Variants in ASIC2 observed in about 807,000 individuals in gnomAD.
ASIC2 encodes acid sensing ion channel subunit 2, also known as acid-sensing ion channel 2.
ASIC2 carries 25 observed loss-of-function variants against 57.3 expected under a neutral mutation model. The observed-to-expected ratio is 0.44, with a 90% CI of 0.32 to 0.61. ASIC2 has a LOEUF of 0.61. Among genes scored for constraint, ASIC2 ranks in the 20% least tolerant of loss-of-function variants. The pLI is 0.06. For synonymous variants in ASIC2, 319 were observed against 307.5 expected, an observed-to-expected ratio of 1.04 and a Z score of -0.39; for missense variants, 641 against 738.1, an observed-to-expected ratio of 0.87 and a Z score of 1.52.
At chr17:33,639,543 C>A (rs1333548335) in intron 1 of ASIC2, among the ~76,000 whole-genome samples, 1 of 152,154 alleles carries the variant, frequency 6.6e-6, no homozygotes, top group Non-Finnish European at 1.5e-5. Context: ...CCATGAAATT[C>A]TCAAAGAGGA....
At chr17:33,421,088 G>C (rs1911028918) in intron 1 of ASIC2, among the ~76,000 whole-genome samples, 1 of 152,156 alleles carries the variant, frequency 6.6e-6, no homozygotes, top group African/African-American at 2.4e-5. Flanking sequence ...GTCATGAGGA[G>C]AAGCAGGAGC....
chr17:33,457,647 A>C (rs12948337), intron 1 of ASIC2, among the ~76,000 whole-genome samples: 50,259 of 151,372 alleles, frequency 0.33, 8,453 homozygotes, highest in Middle Eastern at 0.43. Context: ...GCTGCTGCTG[A>C]TGATGATGAT....
intron 1 of ASIC2, among the ~76,000 whole-genome samples, chr17:33,318,647 C>G (rs111466752): frequency 3.3e-5 from 5 of 152,296 alleles, no homozygotes; most frequent in African/African-American, 1.2e-4. Context: ...TATTTTCCTT[C>G]TTTGCTCTAG....
At chr17:33,939,752 T>G (rs1916145089) in intron 1 of ASIC2, among the ~76,000 whole-genome samples, 1 of 152,338 alleles carries the variant, frequency 6.6e-6, no homozygotes, top group East Asian at 1.9e-4. Flanking sequence ...CATTCACTGT[T>G]GCCCACGGCA....
intron 1 of ASIC2, chr17:34,146,859 C>CT (rs1327270362): frequency 1.3e-5 from 2 of 152,210 alleles, no homozygotes; most frequent in African/African-American, 4.8e-5. Context: ...CCCTCAACTG[C>CT]TGGACTACTG....
intron 1 of ASIC2, among the ~76,000 whole-genome samples, chr17:33,114,294 C>A (rs1460580230): frequency 6.6e-6 from 1 of 152,198 alleles, no homozygotes; most frequent in East Asian, 1.9e-4. Flanking sequence ...GGCAAATGAA[C>A]TTATCCCATG....
chr17:33,672,647 C>T (rs1467781690), intron 1 of ASIC2, among the ~76,000 whole-genome samples: 1 of 152,128 alleles, frequency 6.6e-6, no homozygotes, highest in Non-Finnish European at 1.5e-5. Flanking sequence ...TTAAGTGTCC[C>T]AAGAGATAGC....
intron 1 of ASIC2, among the ~76,000 whole-genome samples, chr17:33,210,028 C>G (rs1384066664): frequency 1.3e-5 from 2 of 152,174 alleles, no homozygotes; most frequent in East Asian, 1.9e-4. Flanking sequence ...GGAAAAGAGA[C>G]AGAGTGCAGG....
intron 1 of ASIC2, among the ~76,000 whole-genome samples, chr17:33,220,325 GCA>G (rs1206177578): frequency 6.6e-6 from 1 of 152,110 alleles, no homozygotes; most frequent in Non-Finnish European, 1.5e-5. Flanking sequence ...AGCAGTTTTT[GCA>G]CAGTGGCCCC....
intron 1 of ASIC2, among the ~76,000 whole-genome samples, chr17:34,066,146 G>A (rs1045367857): frequency 1.1e-4 from 16 of 152,144 alleles, no homozygotes; most frequent in African/African-American, 3.9e-4. Context: ...AGTGGGGAAG[G>A]CCTGACTTAA....
chr17:33,995,654 G>A (rs553311412), intron 1 of ASIC2, among the ~76,000 whole-genome samples: 19 of 151,938 alleles, frequency 1.3e-4, no homozygotes, highest in East Asian at 9.7e-4. Context: ...CAATCTGTGC[G>A]TGTATATATG....
intron 1 of ASIC2, chr17:34,001,813 A>ACT (rs991324257): frequency 2.0e-5 from 3 of 151,844 alleles, no homozygotes; most frequent in East Asian, 3.9e-4. Flanking sequence ...TGGGTGCTGT[A>ACT]CTCTCTCTCC....
chr17:33,823,271 C>T (rs939539112), intron 1 of ASIC2, among the ~76,000 whole-genome samples: 1 of 152,208 alleles, frequency 6.6e-6, no homozygotes, highest in African/African-American at 2.4e-5. Context: ...TCCTGAAGCC[C>T]ATTTCCATCC....
intron 1 of ASIC2, among the ~76,000 whole-genome samples, chr17:33,812,523 A>C (rs1169540897): frequency 1.3e-5 from 2 of 152,134 alleles, no homozygotes; most frequent in Non-Finnish European, 2.9e-5. Context: ...GGATTACTCA[A>C]GAATGAGAGT....
At chr17:33,594,561 G>A (rs1904921617) in intron 1 of ASIC2, among the ~76,000 whole-genome samples, 1 of 124,530 alleles carries the variant, frequency 8.0e-6, no homozygotes, top group Non-Finnish European at 1.7e-5. Flanking sequence ...GGGCACAGTG[G>A]CTCACACCTG....
intron 1 of ASIC2, among the ~76,000 whole-genome samples, chr17:33,206,246 G>A (rs1907057511): frequency 1.3e-5 from 2 of 152,164 alleles, no homozygotes; most frequent in Non-Finnish European, 2.9e-5. Context: ...GACCCATTTG[G>A]TGATGAGGTC....
At chr17:33,727,731 C>G (rs118181487) in intron 1 of ASIC2, among the ~76,000 whole-genome samples, 3 of 152,270 alleles carry the variant, frequency 2.0e-5, no homozygotes, top group African/African-American at 7.2e-5. Context: ...GTCTGCAGAA[C>G]GATCAGCCAA....
At chr17:33,828,907 G>A (rs746297811) in intron 1 of ASIC2, among the ~76,000 whole-genome samples, 1 of 152,214 alleles carries the variant, frequency 6.6e-6, no homozygotes, top group Non-Finnish European at 1.5e-5. Context: ...GAAACACCTA[G>A]TTCTTAGGGT....
chr17:33,399,691 T>C (rs761479666), intron 1 of ASIC2, among the ~76,000 whole-genome samples: 7 of 152,146 alleles, frequency 4.6e-5, no homozygotes, highest in Non-Finnish European at 1.0e-4. Flanking sequence ...ATCATAAGCA[T>C]CCTTTTCCCA....
Sources: gnomAD v4.1 joint callset for allele counts (sites outside exome capture counted in the v4.1 genomes callset) on GRCh38, gnomAD v4.1.1 for gene constraint, MANE v1.5 for transcripts, NCBI Gene and HGNC (gene_info 2026-07-23, HGNC 2026-07-21) for gene names.